SLC35G2: variants seen among roughly 807,000 people sequenced by gnomAD.
SLC35G2 encodes solute carrier family 35 member G2, also known as transmembrane protein 22.
In SLC35G2, 20 loss-of-function variants were observed where a neutral mutation model predicts 27.2. The ratio of observed to expected loss-of-function variants is 0.74; its 90% CI spans 0.52 to 1.07. SLC35G2 has a LOEUF of 1.07. Ranked by LOEUF, SLC35G2 falls within the 50% of genes least tolerant of loss-of-function variation. The probability of loss-of-function intolerance (pLI) is 0.00; values close to 1 mark genes in which losing one functional copy is unlikely to be tolerated. For synonymous variants in SLC35G2, 148 were observed against 165.3 expected, an observed-to-expected ratio of 0.90 and a Z score of 0.80; for missense variants, 416 against 493.3, an observed-to-expected ratio of 0.84 and a Z score of 1.48.
At chr3:136,853,350 C>T (rs1264134853) in intron 1 of SLC35G2, among the ~76,000 whole-genome samples, 2 of 151,852 alleles carry the variant, frequency 1.3e-5, no homozygotes, top group Non-Finnish European at 2.9e-5. Context: ...GTGATCCGCC[C>T]GCCTCAGCCT....
chr3:136,853,505 T>C (rs954660492), intron 1 of SLC35G2, among the ~76,000 whole-genome samples: 1 of 152,170 alleles, frequency 6.6e-6, no homozygotes, highest in African/African-American at 2.4e-5. Flanking sequence ...CATTTTTTGG[T>C]ATATTCTTTT....
chr3:136,828,442 T>C (rs1015258663), intron 1 of SLC35G2, among the ~76,000 whole-genome samples: 1 of 152,214 alleles, frequency 6.6e-6, no homozygotes, highest in Non-Finnish European at 1.5e-5. Flanking sequence ...TATTTATAGT[T>C]GTTATAGCCT....
intron 1 of SLC35G2, among the ~76,000 whole-genome samples, chr3:136,829,496 A>G (rs917842282): frequency 2.6e-5 from 4 of 152,196 alleles, no homozygotes; most frequent in Non-Finnish European, 4.4e-5. Context: ...CTGGGATTAC[A>G]GGTGTGAGCC....
intron 1 of SLC35G2, among the ~76,000 whole-genome samples, chr3:136,844,538 C>T (rs1316832058): frequency 4.0e-5 from 6 of 149,860 alleles, no homozygotes; most frequent in African/African-American, 7.4e-5. Context: ...GTGGCTCACA[C>T]ATGTAATCCC....
intron 1 of SLC35G2, among the ~76,000 whole-genome samples, chr3:136,850,961 C>T (rs549153034): frequency 8.2e-4 from 124 of 151,978 alleles, no homozygotes; most frequent in African/African-American, 2.8e-3. Context: ...CTCCAGCCTG[C>T]GCAACGGAGT....
chr3:136,843,210 C>T lies in SLC35G2; in HGVS notation c.-18-11233C>T, dbSNP rs575334329. 4.0e-5 allele frequency: 6 copies of T among 149,492 alleles called. No individual in the cohort carries two copies. The East Asian group carries it at 1.0e-3, about 26-fold the overall frequency. 9.3% of individuals were successfully genotyped at this position (149,492 alleles called of 1,614,324 possible). On this transcript the variant is annotated intron_variant, in intron 1 of 1. Transcript: ENST00000446465. ...TGGTGGTGGCCGCCTGTAGTCCCAG[C>T]TACTCGGGAGGCTGAGGCAGGAGAA...
intron 1 of SLC35G2, among the ~76,000 whole-genome samples, chr3:136,852,288 A>AT (rs1937685281): frequency 6.6e-6 from 1 of 152,036 alleles, no homozygotes; most frequent in Non-Finnish European, 1.5e-5. Flanking sequence ...CACAGGTGAT[A>AT]TTTTTTTCAT....
chr3:136,821,892 G>A (rs551896357), intron 1 of SLC35G2, among the ~76,000 whole-genome samples: 10 of 152,264 alleles, frequency 6.6e-5, no homozygotes, highest in African/African-American at 2.4e-4. Flanking sequence ...CTGCCCTCCA[G>A]TCCCTGGAAA....
intron 1 of SLC35G2, among the ~76,000 whole-genome samples, chr3:136,826,039 T>TTTTAG: frequency 6.7e-6 from 1 of 148,964 alleles, no homozygotes; most frequent in Middle Eastern, 3.7e-3. Context: ...CTTTATTTTA[T>TTTTAG]TTTATTTTAT....
At chr3:136,840,259 G>A (rs1275650420) in intron 1 of SLC35G2, among the ~76,000 whole-genome samples, 1 of 152,146 alleles carries the variant, frequency 6.6e-6, no homozygotes, top group African/African-American at 2.4e-5. Flanking sequence ...TGGCTAGCAT[G>A]CCAAGGAGCT....
At chr3:136,853,667 A>G (rs1937792923) in intron 1 of SLC35G2, among the ~76,000 whole-genome samples, 1 of 152,190 alleles carries the variant, frequency 6.6e-6, no homozygotes, top group Non-Finnish European at 1.5e-5. Context: ...GCATCTTTAT[A>G]TAATTTCTTT....
rs747172841 is a variant in SLC35G2 at position 136,854,445 on chromosome 3, T to C, written c.-16T>C. 15 of 1,540,728 alleles carry C rather than the reference T, an allele frequency of 9.7e-6. No individual in the cohort carries two copies. In the African/African-American group the frequency reaches 1.7e-4, roughly 17 times the overall value. On this transcript the variant is annotated splice_region_variant and 5_prime_UTR_variant, in exon 2 of 2. Transcript: ENST00000446465. ...TGTCAATTTTTTTCTTTAAATAGAA[T>C]TGATTATCTGAAGAAATGGATACTT... is the stretch of plus-strand genomic sequence containing the variant.
chr3:136,829,762 G>A (rs759589334), intron 1 of SLC35G2, among the ~76,000 whole-genome samples: 2 of 151,964 alleles, frequency 1.3e-5, no homozygotes, highest in South Asian at 2.1e-4. Context: ...GGCTTGTAAG[G>A]TTTCCACTGA....
In SLC35G2 at chr3:136,854,825, C is replaced by T. The variant is rs1407318347; in HGVS notation, c.365C>T (p.Thr122Ile). 6 of 1,614,142 alleles carry T rather than the reference C, an allele frequency of 3.7e-6. No homozygotes were observed. The South Asian group carries it at 5.5e-5, about 15-fold the overall frequency. ...GCTCATGGATGTGTAGCTCTTATCA[C>T]TAGGCTTGTTTCTGATCGGTCTAAA... ...ALAHGCVALI[T>I]RLVSDRSKVP... Residue 122 changes from threonine to isoleucine, a missense_variant, in exon 2 of 2, where the codon ACT (threonine) becomes ATT (isoleucine). Transcript: ENST00000446465.
chr3:136,838,872 A>G (rs1320516238), intron 1 of SLC35G2: 1 of 152,228 alleles, frequency 6.6e-6, no homozygotes, highest in African/African-American at 2.4e-5. Flanking sequence ...GTAAATTACA[A>G]ACAACCAAGA....
In SLC35G2 at chr3:136,855,371, T is replaced by G. The variant is rs1430913016; in HGVS notation, c.911T>G (p.Phe304Cys). Residue 304 changes from phenylalanine (F) to cysteine (C), a missense_variant, in exon 2 of 2, where the codon TTT becomes TGT. Phe to Cys is a radical substitution (Grantham distance 205). Coordinates refer to ENST00000446465, the MANE Select transcript of SLC35G2 (RefSeq NM_025246.3). ...ACAATTTGGGGAATATCTACTATGT[T>G]TATTCTTCAAGAACCCATCATCCCA... ...TGTIWGISTM[F>C]ILQEPIIPLD... 6.2e-7 allele frequency: 1 copy of G among 1,614,182 alleles called. No individual in the cohort carries two copies. The highest frequency in any genetic ancestry group is 8.5e-7 in the Non-Finnish European group (1 of 1,180,014).
intron 1 of SLC35G2, among the ~76,000 whole-genome samples, chr3:136,847,873 A>T (rs1156577367): frequency 6.6e-6 from 1 of 151,992 alleles, no homozygotes; most frequent in Admixed American, 6.6e-5. Context: ...AGTACTCAGG[A>T]GGCTGAGGCA....
intron 1 of SLC35G2, among the ~76,000 whole-genome samples, chr3:136,828,619 A>G (rs914174960): frequency 6.6e-6 from 1 of 151,982 alleles, no homozygotes. Context: ...TTTTTGGTCT[A>G]TGTGTCTCTT....
intron 1 of SLC35G2, among the ~76,000 whole-genome samples, chr3:136,829,798 G>A (rs1936677958): frequency 6.6e-6 from 1 of 152,052 alleles, no homozygotes; most frequent in Non-Finnish European, 1.5e-5. Flanking sequence ...ACATATGGGA[G>A]CTCCATTATA....
Sources: gnomAD v4.1 joint callset for allele counts (sites outside exome capture counted in the v4.1 genomes callset) on GRCh38, gnomAD v4.1.1 for gene constraint, MANE v1.5 for transcripts, NCBI Gene and HGNC (gene_info 2026-07-23, HGNC 2026-07-21) for gene names.